USH2A: variants seen among roughly 807,000 people sequenced by gnomAD.
The protein encoded by USH2A is usherin, also known as Usher syndrome 2A (autosomal recessive, mild).
Under a neutral mutation model 538.9 loss-of-function variants are expected in USH2A, and 443 were observed. The ratio of observed to expected loss-of-function variants is 0.82; its 90% confidence interval spans 0.76 to 0.89. The LOEUF (loss-of-function observed/expected upper bound fraction) is 0.89, where lower values mean the gene tolerates loss of function less well. Ranked by LOEUF, USH2A falls within the 40% of genes least tolerant of loss-of-function variation. USH2A has a pLI of 0.00. For missense variants in USH2A, 6,633 were observed against 6,324.8 expected (o/e 1.05, Z -1.65); for synonymous variants, 2,413 against 2,273.5 (o/e 1.06, Z -1.75).
intron 30 of USH2A, among the ~76,000 whole-genome samples, chr1:216,068,618 C>G (rs2031457424): frequency 6.6e-6 from 1 of 151,966 alleles, no homozygotes; most frequent in Admixed American, 6.5e-5. Flanking sequence ...GGACGATAAG[C>G]TATCAGTAAT....
chr1:215,816,993 T>A lies in USH2A; in HGVS notation c.9570+4A>T, dbSNP rs767100318. ...GGTTCACTGATTAGTTAGAAAAGAC[T>A]TACCTTAGCTTCAGAAGAATAGCAA... On this transcript the variant is annotated splice_donor_region_variant and intron_variant, in intron 48 of 71. Transcript: ENST00000307340. The A allele has an allele frequency of 6.8e-6, 11 of 1,611,994 alleles. 1 individual carries two copies. In the South Asian group the frequency reaches 1.2e-4, roughly 18 times the overall value.
In USH2A at chr1:216,198,501, T is replaced by C. The variant is rs1277192727; in HGVS notation, c.3895A>G (p.Ser1299Gly). The C allele has an allele frequency of 8.7e-6, 14 of 1,613,896 alleles. No individual in the cohort carries two copies. The highest frequency in any genetic ancestry group is 1.2e-5 in the Non-Finnish European group (14 of 1,179,968). Reference protein sequence around the residue: ...TTSEESRVFQSSGWLSPHSFV... With the variant: ...TTSEESRVFQGSGWLSPHSFV... ...GAATGAGGACTGAGCCAACCACTGC[T>C]CTGAAAAACTCGACTTTCCTCAGAT... The change falls in exon 18 of 72, where the codon AGC becomes GGC. Residue 1299 changes from serine to glycine, a missense_variant. Coordinates refer to ENST00000307340, the MANE Select transcript of USH2A (RefSeq NM_206933.4).
chr1:215,936,060 T>A (rs1279593853), intron 37 of USH2A, among the ~76,000 whole-genome samples: 5 of 151,920 alleles, frequency 3.3e-5, no homozygotes, highest in Non-Finnish European at 7.4e-5. Flanking sequence ...AGAGCACCAA[T>A]ATTTACTTCA....
intron 35 of USH2A, among the ~76,000 whole-genome samples, chr1:215,981,240 G>C (rs961002904): frequency 6.6e-6 from 1 of 152,000 alleles, no homozygotes; most frequent in Admixed American, 6.6e-5. Context: ...TTTGTGAAAT[G>C]ACTTTTCAGA....
intron 47 of USH2A, among the ~76,000 whole-genome samples, chr1:215,828,416 G>A (rs550521809): frequency 2.0e-5 from 3 of 152,228 alleles, no homozygotes; most frequent in African/African-American, 7.2e-5. Flanking sequence ...ACTCCAGCTT[G>A]GGTGACAGAA....
chr1:215,830,410 A>G (rs1558117394), intron 47 of USH2A, among the ~76,000 whole-genome samples: 2 of 152,194 alleles, frequency 1.3e-5, no homozygotes, highest in Non-Finnish European at 2.9e-5. Context: ...AAATCAGGAA[A>G]TGGGGCCTCT....
chr1:215,709,218 T>C (rs1278095410), intron 61 of USH2A, among the ~76,000 whole-genome samples: 1 of 152,220 alleles, frequency 6.6e-6, no homozygotes, highest in East Asian at 1.9e-4. Context: ...TGAGGTATTA[T>C]TGATAGTAGT....
intron 62 of USH2A, among the ~76,000 whole-genome samples, chr1:215,677,083 A>G (rs181790170): frequency 1.3e-4 from 20 of 152,280 alleles, no homozygotes; most frequent in African/African-American, 4.8e-4. Context: ...GATTGTTGAC[A>G]TAACCACATC....
At chr1:216,364,293 C>T (rs956569429) in intron 4 of USH2A, among the ~76,000 whole-genome samples, 15 of 151,980 alleles carry the variant, frequency 9.9e-5, no homozygotes, top group African/African-American at 2.4e-4. Context: ...CAATTCTCTA[C>T]ATGAAAATGC....
At chr1:216,124,851 G>A (rs560021208) in intron 21 of USH2A, among the ~76,000 whole-genome samples, 3 of 152,060 alleles carry the variant, frequency 2.0e-5, no homozygotes, top group African/African-American at 7.2e-5. Flanking sequence ...TGTAAAGAAG[G>A]GTTTTTCATG....
At chr1:216,174,362 GT>G in intron 21 of USH2A, 3 of 984,030 alleles carry the variant, frequency 3.0e-6, no homozygotes, top group Non-Finnish European at 3.6e-6. Flanking sequence ...CATAAGTAGA[GT>G]TTTTTTACAG....
rs115857326 is a variant in USH2A, at chr1:216,062,620, C to A, written c.6049+7481G>T. Among the ~76,000 whole-genome samples, 1,013 of 152,112 alleles carry A rather than the reference C, an allele frequency of 6.7e-3. 8 individuals carry two copies. Among genetic ancestry groups the A allele is most frequent in the African/African-American group, 0.023 (947 of 41,496 alleles). Reference sequence around the variant, plus strand: ...ATAATATAAATAAGGTTTTCATCCCCAATTTATGAATGAGGAAACTCCAAT... The same window carrying A: ...ATAATATAAATAAGGTTTTCATCCCAAATTTATGAATGAGGAAACTCCAAT... On this transcript the variant is annotated intron_variant, in intron 30 of 71. Transcript: ENST00000307340.
At chr1:215,752,041 G>A (rs1402728418) in intron 58 of USH2A, among the ~76,000 whole-genome samples, 1 of 152,036 alleles carries the variant, frequency 6.6e-6, no homozygotes, top group Admixed American at 6.6e-5. Flanking sequence ...ATGTGTATGT[G>A]CTCTGTTTGT....
rs147290326 is a variant in USH2A at position 216,073,028 on chromosome 1, G to C, written c.5777-59C>G. 5.6e-5 allele frequency: 90 copies of C among 1,611,178 alleles called. No homozygotes were observed. The African/African-American group carries it at 1.1e-3, about 20-fold the overall frequency. On this transcript the variant is annotated intron_variant, in intron 28 of 71. Transcript: ENST00000307340. ...TAATACTCATATAGATTAATGAGGGGCTGGCAGGGAGGGAAAGGGGGATGA... is the reference window on the plus strand; with the variant it reads ...TAATACTCATATAGATTAATGAGGGCCTGGCAGGGAGGGAAAGGGGGATGA...
intron 10 of USH2A, among the ~76,000 whole-genome samples, 160 bp downstream of exon 10, chr1:216,292,015 G>A (rs187756664): frequency 6.6e-5 from 10 of 152,214 alleles, no homozygotes; most frequent in African/African-American, 2.4e-4. Context: ...CTAGTGATTT[G>A]GAAATAGGAA....
At chr1:216,004,492 T>C (rs942661724) in intron 32 of USH2A, among the ~76,000 whole-genome samples, 1 of 152,070 alleles carries the variant, frequency 6.6e-6, no homozygotes, top group African/African-American at 2.4e-5. Context: ...GGTATAACAA[T>C]ATGGCAGTCA....
intron 32 of USH2A, among the ~76,000 whole-genome samples, chr1:216,025,492 T>C (rs1288353578): frequency 6.6e-6 from 1 of 152,038 alleles, no homozygotes; most frequent in Non-Finnish European, 1.5e-5. Context: ...TTACAACATA[T>C]CTTTTAAAGT....
Position 215,646,392 on chromosome 1 carries a change from T to C in USH2A, c.14791+1130A>G, listed in dbSNP as rs1656853022. Among the ~76,000 whole-genome samples, 2 of 151,872 alleles carry C rather than the reference T, an allele frequency of 1.3e-5. 1 individual carries two copies. On this transcript the variant is annotated intron_variant, in intron 67 of 71. Transcript: ENST00000307340. Reference sequence around the variant, plus strand: ...TCTTAATACTTTTTGTGTTTGCCATTATTAAACAATGAAAGCATATACCTT... The same window carrying C: ...TCTTAATACTTTTTGTGTTTGCCATCATTAAACAATGAAAGCATATACCTT...
chr1:216,199,216 C>T (rs2034925330), intron 17 of USH2A, among the ~76,000 whole-genome samples: 1 of 152,098 alleles, frequency 6.6e-6, no homozygotes, highest in African/African-American at 2.4e-5. Flanking sequence ...AGTCAGTTAG[C>T]TTATATACAT....
Sources: gnomAD v4.1 joint callset for allele counts (sites outside exome capture counted in the v4.1 genomes callset) on GRCh38, gnomAD v4.1.1 for gene constraint, MANE v1.5 for transcripts, NCBI Gene and HGNC (gene_info 2026-07-23, HGNC 2026-07-21) for gene names.